AFAP1L1: variants seen among roughly 807,000 people sequenced by gnomAD.
AFAP1L1 encodes actin filament-associated protein 1-like 1.
In AFAP1L1, 77 loss-of-function variants were observed where a neutral mutation model predicts 99.8. The observed-to-expected ratio is 0.77, with a 90% CI of 0.64 to 0.93. The LOEUF is 0.93. Ranked by LOEUF, AFAP1L1 falls within the 40% of genes least tolerant of loss-of-function variation. The pLI is 0.00. For missense variants in AFAP1L1, 893 were observed against 996.8 expected, an observed-to-expected ratio of 0.90 and a Z score of 1.40; for synonymous variants, 373 against 395.3, an observed-to-expected ratio of 0.94 and a Z score of 0.67.
In AFAP1L1 at chr5:149,316,382, T is replaced by C; in HGVS notation, c.1267+79T>C. On this transcript the variant is annotated intron_variant, in intron 11 of 18. Transcript: ENST00000296721. ...TGGGGGCTGAGGCCAGGAGACCTCA[T>C]GCCTCGTCCACCTCACCCCCAGGGC... 1.3e-6 allele frequency: 2 copies of C among 1,520,496 alleles called. 1 individual carries two copies. The highest frequency in any genetic ancestry group is 2.5e-5 in the South Asian group (2 of 80,440). The allele number at this position is 1,520,496 out of a possible 1,614,324, so 94.2% of individuals were successfully genotyped here. A position where few individuals can be genotyped will look rare whatever the true frequency, so the allele number is the denominator to read the frequency against.
chr5:149,295,610 A>C (rs1334895367), intron 1 of AFAP1L1, among the ~76,000 whole-genome samples: 2 of 151,424 alleles, frequency 1.3e-5, no homozygotes, highest in East Asian at 3.9e-4. Flanking sequence ...GAGAATGGAG[A>C]GAAAGAGGAA....
intron 1 of AFAP1L1, among the ~76,000 whole-genome samples, chr5:149,276,523 CATCTAA>C (rs1241850868): frequency 6.6e-6 from 1 of 152,226 alleles, no homozygotes; most frequent in Non-Finnish European, 1.5e-5. Context: ...CCACATCATA[CATCTAA>C]AGCAAATGGC....
At chr5:149,300,427 C>A in intron 3 of AFAP1L1, 73 bp downstream of exon 3, 1 of 1,369,302 alleles carries the variant, frequency 7.3e-7, no homozygotes, top group Non-Finnish European at 1.0e-6. Flanking sequence ...GGTCCCCCGA[C>A]TGGGCTGGGC....
At chr5:149,329,179 A>G (rs1261426352) in intron 15 of AFAP1L1, among the ~76,000 whole-genome samples, 1 of 152,190 alleles carries the variant, frequency 6.6e-6, no homozygotes, top group Non-Finnish European at 1.5e-5. Context: ...TATCATTATT[A>G]TCTAACCCTT....
In AFAP1L1 at chr5:149,332,785, A is replaced by C; in HGVS notation, c.2066A>C (p.Lys689Thr). 1 of 1,613,490 alleles carries C rather than the reference A, an allele frequency of 6.2e-7. No individual in the cohort carries two copies. Among genetic ancestry groups the C allele is most frequent in the Non-Finnish European group, 8.5e-7 (1 of 1,179,982 alleles). ...KEERRIDLELKLVAVKERLQQ... is the reference protein window; with the variant it reads ...KEERRIDLELTLVAVKERLQQ... The stretch of plus-strand genomic sequence containing the variant: ...GAGCGCCGGATTGACCTGGAGCTGA[A>C]GCTGGTGGCTGTGAAGGAGCGCTTG... Residue 689 changes from lysine to threonine, a missense_variant, in exon 17 of 19, where the codon AAG (lysine) becomes ACG (threonine). Coordinates refer to ENST00000296721, the MANE Select transcript of AFAP1L1 (RefSeq NM_152406.4).
chr5:149,303,017 C>T (rs1215944692), intron 5 of AFAP1L1, among the ~76,000 whole-genome samples: 1 of 152,136 alleles, frequency 6.6e-6, no homozygotes, highest in Non-Finnish European at 1.5e-5. Context: ...TGGTCTAAAC[C>T]AGAGGCTGTC....
intron 16 of AFAP1L1, 63 bp from the exon 17 acceptor site, chr5:149,332,632 T>C (rs762682207): frequency 4.4e-5 from 68 of 1,551,462 alleles, no homozygotes; most frequent in Non-Finnish European, 5.6e-5. Flanking sequence ...CCTGAGGCCC[T>C]GCCAGATTCC....
chr5:149,272,646 G>T (rs1277254443), intron 1 of AFAP1L1, among the ~76,000 whole-genome samples: 1 of 152,204 alleles, frequency 6.6e-6, no homozygotes, highest in Non-Finnish European at 1.5e-5. Flanking sequence ...CTGAAATTGA[G>T]ATTGACATAA....
chr5:149,313,226 A>G (rs774888039), intron 9 of AFAP1L1, among the ~76,000 whole-genome samples: 1 of 152,054 alleles, frequency 6.6e-6, no homozygotes, highest in African/African-American at 2.4e-5. Context: ...CCCAGTACCT[A>G]CACATTGCCA....
chr5:149,284,143 G>A (rs935342316), intron 1 of AFAP1L1, among the ~76,000 whole-genome samples: 4 of 152,348 alleles, frequency 2.6e-5, no homozygotes, highest in Admixed American at 6.5e-5. Context: ...GCAGCATGCC[G>A]AGAGCCCAAA....
intron 3 of AFAP1L1, among the ~76,000 whole-genome samples, chr5:149,300,817 A>G (rs1455071326): frequency 6.6e-6 from 1 of 152,356 alleles, no homozygotes; most frequent in East Asian, 1.9e-4. Flanking sequence ...CCTTGGTGAG[A>G]GAGTTTTGGG....
chr5:149,275,076 G>A (rs1472865870), intron 1 of AFAP1L1, among the ~76,000 whole-genome samples: 2 of 152,082 alleles, frequency 1.3e-5, no homozygotes, highest in African/African-American at 2.4e-5. Flanking sequence ...TGGTATTCAC[G>A]ATAATAACTG....
chr5:149,287,062 A>C (rs1305774479), intron 1 of AFAP1L1, among the ~76,000 whole-genome samples: 1 of 152,220 alleles, frequency 6.6e-6, no homozygotes, highest in Non-Finnish European at 1.5e-5. Flanking sequence ...TGCAAAGAGC[A>C]AATGAGGTAA....
chr5:149,276,922 A>T (rs2127587675), intron 1 of AFAP1L1: 1 of 152,356 alleles, frequency 6.6e-6, no homozygotes, highest in Middle Eastern at 3.4e-3. Context: ...TGTCCAAATG[A>T]CATTGCTGAG....
At chr5:149,307,788 A>AACAC in intron 7 of AFAP1L1, among the ~76,000 whole-genome samples, 175 bp downstream of exon 7, 1 of 92,966 alleles carries the variant, frequency 1.1e-5, no homozygotes, top group South Asian at 3.7e-4. Context: ...GCAGAATTTA[A>AACAC]ACACACACAC....
intron 1 of AFAP1L1, among the ~76,000 whole-genome samples, chr5:149,293,820 G>A (rs1378268152): frequency 6.6e-6 from 1 of 152,180 alleles, no homozygotes; most frequent in East Asian, 1.9e-4. Context: ...AGCCCTATGC[G>A]GTTGGGATCC....
intron 3 of AFAP1L1, 116 bp downstream of exon 3, chr5:149,300,470 G>C: frequency 1.2e-6 from 1 of 864,414 alleles, no homozygotes; most frequent in Non-Finnish European, 1.8e-6. Context: ...AAGTCGCTTT[G>C]GGCCAGTCCT....
chr5:149,275,977 G>C (rs533249768), intron 1 of AFAP1L1, among the ~76,000 whole-genome samples: 5 of 152,310 alleles, frequency 3.3e-5, no homozygotes, highest in African/African-American at 9.6e-5. Flanking sequence ...ATAACAACAA[G>C]CTTAGGTCAC....
In AFAP1L1 at chr5:149,306,418, G is replaced by A; in HGVS notation, c.535+14G>A. 6.2e-7 allele frequency: 1 copy of A among 1,601,220 alleles called. No individual in the cohort carries two copies. ...TTAAGAGCTCCTGTAAGTACCAGGT[G>A]GGCGTCCAGATGCTGGGCAGGGCTT... On this transcript the variant is annotated intron_variant, in intron 6 of 18. Transcript: ENST00000296721.
Sources: gnomAD v4.1 joint callset for allele counts (sites outside exome capture counted in the v4.1 genomes callset) on GRCh38, gnomAD v4.1.1 for gene constraint, MANE v1.5 for transcripts, NCBI Gene and HGNC (gene_info 2026-07-23, HGNC 2026-07-21) for gene names.